The following PCDHB4 variants were observed in gnomAD, a reference collection of about 807,000 sequenced individuals.
PCDHB4 encodes protocadherin beta-4.
For synonymous variants in PCDHB4, 482 were observed against 447.3 expected, an observed-to-expected ratio of 1.08 and a Z score of -0.98; for missense variants, 1,063 against 1,007.0, an observed-to-expected ratio of 1.06 and a Z score of -0.75.
chr5:141,123,340 C>G lies in PCDHB4; in HGVS notation c.1342C>G (p.Pro448Ala). The G allele has an allele frequency of 1.2e-6, 2 of 1,614,090 alleles. No individual in the cohort carries two copies. The highest frequency in any genetic ancestry group is 8.5e-7 in the Non-Finnish European group (1 of 1,180,030). The stretch of plus-strand genomic sequence containing the variant: ...GGTCTCCGACGTCAATGACAACGCC[C>G]CCGCCTTCACCCAAACCTCCTACAC... ...VQVSDVNDNA[P>A]AFTQTSYTLF... Residue 448 changes from proline to alanine, a missense_variant, in exon 1 of 1, where the codon CCC becomes GCC. By Grantham distance (27) the Pro-to-Ala change is conservative. Transcript: ENST00000194152.
At position 141,124,251 on chromosome 5, in the gene PCDHB4, G is replaced by A. The variant is rs1563860473; in HGVS notation, c.2253G>A (p.Glu751=). The A allele has an allele frequency of 6.2e-7, 1 of 1,614,206 alleles. No individual in the cohort carries two copies. Among genetic ancestry groups the A allele is most frequent in the Non-Finnish European group, 8.5e-7 (1 of 1,180,034 alleles). The stretch of plus-strand genomic sequence containing the variant: ...CCCTGTCCCAGAGCTACCAGTACGA[G>A]GTGTGTCTGACAGGAGACTCTGGGA... ...TGTLSQSYQY[E]VCLTGDSGTG... Residue 751 remains glutamate, a synonymous_variant, in exon 1 of 1, where the codon GAG becomes GAA. Coordinates refer to ENST00000194152, the MANE Select transcript of PCDHB4 (RefSeq NM_018938.4).
chr5:141,124,050 T>A lies in PCDHB4; in HGVS notation c.2052T>A (p.Ser684=). Residue 684 remains serine, a synonymous_variant, in exon 1 of 1, where the codon TCT becomes TCA. Transcript: ENST00000194152. ...CCCCGGCCCAGGCCCAGGCCGACTC[T>A]CTCACCGTCTACCTGGTGGTGGCGT... ...EAAPAQAQAD[S]LTVYLVVALA... 1 of 1,606,814 alleles carries A rather than the reference T, an allele frequency of 6.2e-7. No individual in the cohort carries two copies. The highest frequency in any genetic ancestry group is 2.2e-5 in the East Asian group (1 of 44,824).
Position 141,123,292 on chromosome 5 carries a change from A to G in PCDHB4, c.1294A>G (p.Thr432Ala), listed in dbSNP as rs782256871. 15 of 1,613,856 alleles carry G rather than the reference A, an allele frequency of 9.3e-6. No individual in the cohort carries two copies. The African/African-American group carries it at 1.9e-4, about 20-fold the overall frequency. Residue 432 changes from threonine (T) to alanine (A), a missense_variant, in exon 1 of 1, where the codon ACC becomes GCC. By Grantham distance (58) the Thr-to-Ala change is moderately conservative. Transcript: ENST00000194152. The stretch of plus-strand genomic sequence containing the variant: ...TGACTTGGGGACACCCAGGCTGAAA[A>G]CCCAGCAGAACATAACCGTGCAGGT... ...VTDLGTPRLK[T>A]QQNITVQVSD...
rs1249930473 is a variant in PCDHB4, at chr5:141,124,166, G to A, written c.2168G>A (p.Arg723His). The A allele has an allele frequency of 1.9e-6, 3 of 1,612,864 alleles. No individual in the cohort carries two copies. In the East Asian group the frequency reaches 6.7e-5, roughly 36 times the overall value. The change falls in exon 1 of 1, where the codon CGC becomes CAC. Residue 723 changes from arginine (R) to histidine (H), a missense_variant. By Grantham distance (29) the Arg-to-His change is conservative (BLOSUM62 0). Transcript: ENST00000194152. ...AGGAGCAGGGCGGCCTCGGTGGGTC[G>A]CTGCTCGGTGCCCGAGGGCCCCTTT... ...CRRSRAASVG[R>H]CSVPEGPFPG...
Position 141,124,342 on chromosome 5 carries a change from G to T in PCDHB4, c.2344G>T (p.Val782Phe). 1 of 1,613,262 alleles carries T rather than the reference G, an allele frequency of 6.2e-7. No homozygotes were observed. The highest frequency in any genetic ancestry group is 2.2e-5 in the East Asian group (1 of 44,854). Residue 782 changes from valine (V) to phenylalanine (F), a missense_variant, in exon 1 of 1, where the codon GTT (valine) becomes TTT (phenylalanine). By Grantham distance (50) the Val-to-Phe change is conservative. Coordinates refer to ENST00000194152, the MANE Select transcript of PCDHB4 (RefSeq NM_018938.4). ...NLLVQDTGRE[V>F]KENPKFRNSL... ...CTTGGTTCAGGACACCGGGAGGGAAGTTAAGGAAAACCCCAAGTTCAGAAA... is the reference window on the plus strand; with the variant it reads ...CTTGGTTCAGGACACCGGGAGGGAATTTAAGGAAAACCCCAAGTTCAGAAA...
chr5:141,124,074 G>T lies in PCDHB4; in HGVS notation c.2076G>T (p.Ala692=). Residue 692 remains alanine, a synonymous_variant, in exon 1 of 1, where the codon GCG becomes GCT. Coordinates refer to ENST00000194152, the MANE Select transcript of PCDHB4 (RefSeq NM_018938.4). The part of the protein sequence containing the change: ...ADSLTVYLVV[A]LASVSSLFLF... ...CTCTCACCGTCTACCTGGTGGTGGC[G>T]TTGGCCTCGGTGTCGTCGCTCTTCC... is the stretch of plus-strand genomic sequence containing the variant. 1 of 1,607,974 alleles carries T rather than the reference G, an allele frequency of 6.2e-7. No individual in the cohort carries two copies. The highest frequency in any genetic ancestry group is 8.5e-7 in the Non-Finnish European group (1 of 1,179,788).
At position 141,123,909 on chromosome 5, in the gene PCDHB4, C is replaced by G. The variant is rs375109043; in HGVS notation, c.1911C>G (p.His637Gln). Residue 637 changes from histidine (H) to glutamine (Q), a missense_variant, in exon 1 of 1, where the codon CAC (histidine) becomes CAG (glutamine). Transcript: ENST00000194152. ...RLLSERDAAK[H>Q]RLVVLVKDNG... ...TGAGCGAGCGCGACGCAGCCAAGCA[C>G]AGGCTCGTGGTGCTTGTCAAGGACA... The G allele has an allele frequency of 4.4e-5, 71 of 1,606,196 alleles. No homozygotes were observed. The African/African-American group carries it at 4.8e-4, about 11-fold the overall frequency.
rs1355230955 is a variant in PCDHB4, at chr5:141,123,715, G to A, written c.1717G>A (p.Glu573Lys). The A allele has an allele frequency of 6.2e-7, 1 of 1,610,534 alleles. No individual in the cohort carries two copies. The highest frequency in any genetic ancestry group is 1.3e-5 in the African/African-American group (1 of 74,870). Residue 573 changes from glutamate to lysine, a missense_variant, in exon 1 of 1, where the codon GAG becomes AAG. Physicochemically the swap from Glu to Lys is moderately conservative, Grantham distance 56. Coordinates refer to ENST00000194152, the MANE Select transcript of PCDHB4 (RefSeq NM_018938.4). ...GCAGAATGGCTCCGCGCCCTGCACC[G>A]AGCTGGTGCCCCGGGCGGCCGAGCC... The part of the protein sequence containing the change: ...PLQNGSAPCT[E>K]LVPRAAEPGY...
In PCDHB4 at chr5:141,122,242, G is replaced by A; in HGVS notation, c.244G>A (p.Asp82Asn). 1 of 1,614,124 alleles carries A rather than the reference G, an allele frequency of 6.2e-7. No homozygotes were observed. Among genetic ancestry groups the A allele is most frequent in the Non-Finnish European group, 8.5e-7 (1 of 1,180,032 alleles). ...QRLQLDRQTGDLLLREKLDRE... is the reference protein window; with the variant it reads ...QRLQLDRQTGNLLLREKLDRE... ...TTTGCAGCTGGATCGTCAGACTGGA[G>A]ATTTGCTTCTGAGGGAGAAACTAGA... Residue 82 changes from aspartate (D) to asparagine (N), a missense_variant, in exon 1 of 1, where the codon GAT (aspartate) becomes AAT (asparagine). Physicochemically the swap from Asp to Asn is conservative, Grantham distance 23. Transcript: ENST00000194152.
rs1554274343 is a variant in PCDHB4, at chr5:141,122,433, C to T, written c.435C>T (p.Ser145=). The part of the protein sequence containing the change: ...REVLLKILEN[S]QPGTLFPLLI... ...TGCTCTTGAAAATACTAGAAAATAG[C>T]CAGCCGGGTACTCTATTTCCGTTGC... Residue 145 remains serine (S), a synonymous_variant, in exon 1 of 1, where the codon AGC becomes AGT. Coordinates refer to ENST00000194152, the MANE Select transcript of PCDHB4 (RefSeq NM_018938.4). 1.9e-6 allele frequency: 3 copies of T among 1,614,044 alleles called. No individual in the cohort carries two copies. The highest frequency in any genetic ancestry group is 2.7e-5 in the African/African-American group (2 of 74,930).
chr5:141,124,561 C>G lies in PCDHB4; in HGVS notation c.*175C>G, dbSNP rs1752380087. On this transcript the variant is annotated 3_prime_UTR_variant, in exon 1 of 1. Transcript: ENST00000194152. ...TTTTATTGTTATTAATTGCACTTAA[C>G]ATTTTTAGTTATACTGGATATTGAG... 1.8e-6 allele frequency: 1 copy of G among 554,400 alleles called. No individual in the cohort carries two copies. The highest frequency in any genetic ancestry group is 3.6e-5 in the Admixed American group (1 of 27,716). The allele number at this position is 554,400 out of a possible 1,614,324, so 34.3% of individuals were successfully genotyped here. A position where few individuals can be genotyped will look rare whatever the true frequency, so the allele number is the denominator to read the frequency against.
In PCDHB4 at chr5:141,122,760, C is replaced by A. The variant is rs1438446472; in HGVS notation, c.762C>A (p.Ser254Arg). The A allele has an allele frequency of 6.2e-7, 1 of 1,614,102 alleles. No individual in the cohort carries two copies. The highest frequency in any genetic ancestry group is 8.5e-7 in the Non-Finnish European group (1 of 1,179,996). The change falls in exon 1 of 1, where the codon AGC (serine) becomes AGA (arginine). Residue 254 changes from serine (S) to arginine (R), a missense_variant. Transcript: ENST00000194152. ...ATGGGGTGCAGGTCCTGGAAAACAG[C>A]CCCCTAGACTCTCCAATTGTTAGGG... ...TPYGVQVLEN[S>R]PLDSPIVRVL...
rs138284230 is a variant in PCDHB4, at chr5:141,122,402, G to C, written c.404G>C (p.Arg135Thr). The change falls in exon 1 of 1, where the codon AGG (arginine) becomes ACG (threonine). Residue 135 changes from arginine to threonine, a missense_variant. Transcript: ENST00000194152. ...GATCACTCTCCAATATTCCCTGAAA[G>C]GGAAGTGCTCTTGAAAATACTAGAA... Reference protein sequence around the residue: ...INDHSPIFPEREVLLKILENS... With the variant: ...INDHSPIFPETEVLLKILENS... The C allele has an allele frequency of 2.5e-6, 4 of 1,614,084 alleles. No homozygotes were observed. The highest frequency in any genetic ancestry group is 3.4e-6 in the Non-Finnish European group (4 of 1,180,048).
Position 141,123,325 on chromosome 5 carries a change from G to A in PCDHB4, c.1327G>A (p.Val443Ile), listed in dbSNP as rs1224596338. 10 of 1,614,018 alleles carry A rather than the reference G, an allele frequency of 6.2e-6. No individual in the cohort carries two copies. The Admixed American group carries it at 8.3e-5, about 13-fold the overall frequency. Residue 443 changes from valine to isoleucine, a missense_variant, in exon 1 of 1, where the codon GTC becomes ATC. By Grantham distance (29) the Val-to-Ile change is conservative. Coordinates refer to ENST00000194152, the MANE Select transcript of PCDHB4 (RefSeq NM_018938.4). ...QQNITVQVSDVNDNAPAFTQT... is the reference protein window; with the variant it reads ...QQNITVQVSDINDNAPAFTQT... The stretch of plus-strand genomic sequence containing the variant: ...GAACATAACCGTGCAGGTCTCCGAC[G>A]TCAATGACAACGCCCCCGCCTTCAC...
Position 141,123,583 on chromosome 5 carries a change from C to T in PCDHB4, c.1585C>T (p.Arg529Cys). The change falls in exon 1 of 1, where the codon CGC becomes TGC. Residue 529 changes from arginine to cysteine, a missense_variant. Physicochemically the swap from Arg to Cys is radical, Grantham distance 180. Transcript: ENST00000194152. ...CGAGGCCCTGCAGGCGTTCGAGTTC[C>T]GCGTGGGCGCCTCAGACCGCGGTTC... ...DYEALQAFEF[R>C]VGASDRGSPA... 2 of 1,612,550 alleles carry T rather than the reference C, an allele frequency of 1.2e-6. No homozygotes were observed. Among genetic ancestry groups the T allele is most frequent in the Non-Finnish European group, 1.7e-6 (2 of 1,179,820 alleles).
At position 141,121,954 on chromosome 5, in the gene PCDHB4, G is replaced by C; in HGVS notation, c.-45G>C. ...ATTGGAATTGAATGTCTCAAGTCTC[G>C]TTGCGGTTGCTGAGGGGATTGGATA... On this transcript the variant is annotated 5_prime_UTR_variant, in exon 1 of 1. Transcript: ENST00000194152. The C allele has an allele frequency of 2.2e-6, 3 of 1,346,314 alleles. No individual in the cohort carries two copies. The highest frequency in any genetic ancestry group is 3.1e-6 in the Non-Finnish European group (3 of 979,614). 83.4% of individuals were successfully genotyped at this position (1,346,314 alleles called of 1,614,324 possible).
At position 141,122,785 on chromosome 5, in the gene PCDHB4, G is replaced by T. The variant is rs782052757; in HGVS notation, c.787G>T (p.Val263Phe). ...NSPLDSPIVRVLARDIDAGNF... is the reference protein window; with the variant it reads ...NSPLDSPIVRFLARDIDAGNF... ...CCCCCTAGACTCTCCAATTGTTAGGGTCTTAGCTAGAGATATAGATGCTGG... is the reference window on the plus strand; with the variant it reads ...CCCCCTAGACTCTCCAATTGTTAGGTTCTTAGCTAGAGATATAGATGCTGG... Residue 263 changes from valine to phenylalanine, a missense_variant, in exon 1 of 1, where the codon GTC becomes TTC. Coordinates refer to ENST00000194152, the MANE Select transcript of PCDHB4 (RefSeq NM_018938.4). 1.9e-6 allele frequency: 3 copies of T among 1,613,980 alleles called. No homozygotes were observed. Among genetic ancestry groups the T allele is most frequent in the Non-Finnish European group, 2.5e-6 (3 of 1,180,010 alleles).
Position 141,122,072 on chromosome 5 carries a change from T to A in PCDHB4, c.74T>A (p.Val25Asp). 1 of 1,614,032 alleles carries A rather than the reference T, an allele frequency of 6.2e-7. No homozygotes were observed. Among genetic ancestry groups the A allele is most frequent in the Non-Finnish European group, 8.5e-7 (1 of 1,179,986 alleles). ...AFILMVFLSQ[V>D]RLEPIRYSVL... ...ATTTTGATGGTGTTCTTGTCTCAGG[T>A]TCGCCTCGAGCCTATTCGTTATTCT... is the stretch of plus-strand genomic sequence containing the variant. Residue 25 changes from valine to aspartate, a missense_variant, in exon 1 of 1, where the codon GTT (valine) becomes GAT (aspartate). Val to Asp is a radical substitution (Grantham distance 152). Transcript: ENST00000194152.
Position 141,124,656 on chromosome 5 carries a change from TA to T in PCDHB4, c.*275del. 3.6e-6 allele frequency: 1 copy of T among 279,510 alleles called. No homozygotes were observed. Among genetic ancestry groups the T allele is most frequent in the Non-Finnish European group, 6.6e-6 (1 of 151,216 alleles). The allele number at this position is 279,510 out of a possible 1,614,324, so 17.3% of individuals were successfully genotyped here. On this transcript the variant is annotated 3_prime_UTR_variant, in exon 1 of 1. Transcript: ENST00000194152. ...GTAATCATAAATTACTCAATTAGGA[TA>T]AAAATAAATTATGTTTTAATGAAAT...
Sources: allele counts gnomAD v4.1 joint callset, GRCh38; gene constraint gnomAD v4.1.1; transcripts MANE v1.5; gene names NCBI Gene and HGNC (gene_info 2026-07-23, HGNC 2026-07-21).